MGAT4C: variants seen among roughly 807,000 people sequenced by gnomAD.
MGAT4C encodes the protein alpha-1,3-mannosyl-glycoprotein 4-beta-N-acetylglucosaminyltransferase C.
Under a neutral mutation model 40.1 loss-of-function variants are expected in MGAT4C, and 19 were observed. The ratio of observed to expected loss-of-function variants is 0.47; its 90% CI spans 0.33 to 0.70. The LOEUF is 0.70. Among genes scored for constraint, MGAT4C ranks in the 30% least tolerant of loss-of-function variants. MGAT4C has a pLI of 0.02. For missense variants in MGAT4C, 491 were observed against 563.2 expected (o/e 0.87, Z 1.30); for synonymous variants, 181 against 187.1 (o/e 0.97, Z 0.27).
At position 86,776,068 on chromosome 12, in the gene MGAT4C, G is replaced by A. The variant is rs560337783; in HGVS notation, c.-261-48827C>T. Among the ~76,000 whole-genome samples the A allele has an allele frequency of 2.6e-5, 4 of 152,036 alleles. No individual in the cohort carries two copies. The South Asian group carries it at 8.3e-4, about 32-fold the overall frequency. On this transcript the variant is annotated intron_variant, in intron 1 of 7. Coordinates refer to the MGAT4C transcript ENST00000548651. ...ATTTTATAAATACCTGAACTAAAGT[G>A]GTGAGAGTGAGAATTTGGGACTAAT...
At chr12:86,354,361 G>C (rs573027042) in intron 3 of MGAT4C, among the ~76,000 whole-genome samples, 5 of 152,192 alleles carry the variant, frequency 3.3e-5, no homozygotes, top group African/African-American at 1.2e-4. Flanking sequence ...TCTATATATA[G>C]AAGAACTAGG....
intron 1 of MGAT4C, among the ~76,000 whole-genome samples, chr12:86,217,394 T>G (rs1950714174): frequency 6.6e-6 from 1 of 152,178 alleles, no homozygotes; most frequent in Admixed American, 6.6e-5. Flanking sequence ...CAGGCTGGTC[T>G]TGAACTCCTG....
At chr12:86,053,478 A>G (rs1053637848) in intron 1 of MGAT4C, among the ~76,000 whole-genome samples, 1 of 151,926 alleles carries the variant, frequency 6.6e-6, no homozygotes, top group East Asian at 1.9e-4. Flanking sequence ...CCTTTCCAAG[A>G]CATAAACACA....
At chr12:86,739,859 CACACACACACACACATATATAT>C (rs1951041232) in intron 1 of MGAT4C, among the ~76,000 whole-genome samples, 1 of 148,384 alleles carries the variant, frequency 6.7e-6, no homozygotes, top group African/African-American at 2.5e-5. Flanking sequence ...TGCACACAAA[CACACACACACACACATATATAT>C]ACACACACAC....
chr12:86,700,102 TA>T (rs1565934052), intron 2 of MGAT4C, among the ~76,000 whole-genome samples: 35 of 149,712 alleles, frequency 2.3e-4, no homozygotes, highest in Middle Eastern at 7.0e-3. Flanking sequence ...GATAGATAGA[TA>T]GATGATAGAT....
At chr12:86,458,764 T>C (rs996335408) in intron 2 of MGAT4C, among the ~76,000 whole-genome samples, 2 of 152,150 alleles carry the variant, frequency 1.3e-5, no homozygotes, top group African/African-American at 2.4e-5. Context: ...CAGCAAGGCA[T>C]TTTTTTCTGT....
rs528936970 is a variant in MGAT4C, at chr12:86,592,160, TTA to T, written c.-229+135047_-229+135048del. Among the ~76,000 whole-genome samples, 93 of 152,270 alleles carry T rather than the reference TTA, an allele frequency of 6.1e-4. 2 individuals carry two copies. The South Asian group carries it at 0.019, about 31-fold the overall frequency. ...TGTAACTAAAGGTCTAATATTTATT[TTA>T]TCAGAAGTTGATTGAACCAAATCAA... is the stretch of plus-strand genomic sequence containing the variant. On this transcript the variant is annotated intron_variant, in intron 2 of 7. Coordinates refer to the MGAT4C transcript ENST00000548651.
intron 2 of MGAT4C, among the ~76,000 whole-genome samples, chr12:86,542,966 T>C (rs1419905042): frequency 6.6e-6 from 1 of 152,146 alleles, no homozygotes; most frequent in Non-Finnish European, 1.5e-5. Context: ...GGGGGATTTC[T>C]CTCCATAATT....
Position 85,972,622 on chromosome 12 carries a change from T to C in MGAT4C, c.*6667A>G, listed in dbSNP as rs1172942556. ...GACAACTACTGATATCGTCACATGGTCCTTTAGTGACCAAAAATGCACAGT... is the reference window on the plus strand; with the variant it reads ...GACAACTACTGATATCGTCACATGGCCCTTTAGTGACCAAAAATGCACAGT... On this transcript the variant is annotated 3_prime_UTR_variant, in exon 5 of 5. Transcript: ENST00000611864. 2.6e-5 allele frequency: 4 copies of C among 151,066 alleles called. No homozygotes were observed. Among genetic ancestry groups the C allele is most frequent in the Non-Finnish European group, 5.9e-5 (4 of 67,248 alleles). The allele number at this position is 151,066 out of a possible 1,614,324, so 9.4% of individuals were successfully genotyped here. A position where few individuals can be genotyped will look rare whatever the true frequency, so the allele number is the denominator to read the frequency against.
At chr12:86,462,411 T>A (rs555482741) in intron 2 of MGAT4C, among the ~76,000 whole-genome samples, 3 of 152,182 alleles carry the variant, frequency 2.0e-5, no homozygotes, top group Non-Finnish European at 4.4e-5. Flanking sequence ...TATCATCAGA[T>A]GGAGGAGATG....
chr12:86,467,563 CT>C (rs1257293793), intron 2 of MGAT4C, among the ~76,000 whole-genome samples: 9 of 152,028 alleles, frequency 5.9e-5, no homozygotes, highest in African/African-American at 9.6e-5. Flanking sequence ...TCAGGAGTTG[CT>C]TTTTTTATGT....
intron 2 of MGAT4C, among the ~76,000 whole-genome samples, chr12:86,038,373 C>T (rs568509617): frequency 3.1e-4 from 46 of 149,264 alleles, no homozygotes; most frequent in African/African-American, 1.0e-3. Context: ...TTTTTCCCAA[C>T]ACTAAGTCTC....
At chr12:86,222,872 A>G (rs1032217608) in intron 1 of MGAT4C, among the ~76,000 whole-genome samples, 2 of 152,164 alleles carry the variant, frequency 1.3e-5, no homozygotes, top group Non-Finnish European at 1.5e-5. Context: ...GGGAGCTGGA[A>G]GAAGCTTCCG....
chr12:86,307,371 CTT>C (rs199751159), intron 4 of MGAT4C, among the ~76,000 whole-genome samples: 13,486 of 146,060 alleles, frequency 0.092, 980 homozygotes, highest in Middle Eastern at 0.23. Context: ...TTTAATCTTA[CTT>C]AATACATGTT....
intron 1 of MGAT4C, among the ~76,000 whole-genome samples, chr12:86,235,993 A>G (rs1951524266): frequency 6.6e-6 from 1 of 152,108 alleles, no homozygotes; most frequent in South Asian, 2.1e-4. Context: ...TCTTGGATTA[A>G]CATAGCATTA....
intron 1 of MGAT4C, among the ~76,000 whole-genome samples, chr12:86,812,760 C>T (rs923951582): frequency 3.3e-5 from 5 of 151,994 alleles, no homozygotes; most frequent in African/African-American, 4.8e-5. Context: ...CTACTAAGAA[C>T]GACTCTTGAG....
At chr12:86,829,721 T>G (rs1164996561) in intron 1 of MGAT4C, among the ~76,000 whole-genome samples, 3 of 151,344 alleles carry the variant, frequency 2.0e-5, no homozygotes. Flanking sequence ...CTTTTATAAT[T>G]GTTGTTACTT....
intron 1 of MGAT4C, among the ~76,000 whole-genome samples, chr12:86,776,362 C>A (rs1190644977): frequency 2.0e-5 from 3 of 151,664 alleles, no homozygotes; most frequent in African/African-American, 7.3e-5. Flanking sequence ...ACACTTATAA[C>A]AGTTTTTTTT....
intron 2 of MGAT4C, among the ~76,000 whole-genome samples, chr12:86,567,379 G>A (rs10858439): frequency 0.74 from 111,916 of 152,036 alleles, 42,593 homozygotes; most frequent in Middle Eastern, 0.84. Context: ...TGGCCACTTT[G>A]GGCTCCTCTC....
Sources: allele counts gnomAD v4.1 joint callset (sites outside exome capture counted in the v4.1 genomes callset), GRCh38; gene constraint gnomAD v4.1.1; transcripts MANE v1.5; gene names NCBI Gene and HGNC (gene_info 2026-07-23, HGNC 2026-07-21).